The following DTNBP1 variants were observed in gnomAD, a reference collection of about 807,000 sequenced individuals.
The protein encoded by DTNBP1 is dystrobrevin binding protein 1.
DTNBP1 carries 35 observed loss-of-function variants against 42.8 expected under a neutral mutation model. The ratio of observed to expected loss-of-function variants is 0.82; its 90% CI spans 0.63 to 1.09. The LOEUF (loss-of-function observed/expected upper bound fraction) is 1.09. Among genes scored for constraint, DTNBP1 ranks in the 50% least tolerant of loss-of-function variants. The probability of loss-of-function intolerance (pLI) is 0.00; values close to 1 mark genes in which losing one functional copy is unlikely to be tolerated. For missense variants in DTNBP1, 457 were observed against 424.2 expected (o/e 1.08, Z -0.68); for synonymous variants, 171 against 162.2 (o/e 1.05, Z -0.41).
chr6:15,585,797 T>C (rs900004120), intron 7 of DTNBP1: 1 of 1,522,162 alleles, frequency 6.6e-7, no homozygotes, highest in Non-Finnish European at 8.8e-7. Context: ...AGAAGCTCAG[T>C]GCTGGTCAAG....
intron 7 of DTNBP1, among the ~76,000 whole-genome samples, chr6:15,563,082 C>A (rs1774914363): frequency 6.6e-6 from 1 of 152,236 alleles, no homozygotes; most frequent in Non-Finnish European, 1.5e-5. Flanking sequence ...CTGCTTCTAG[C>A]TCTTCAGACT....
At chr6:15,620,414 C>G (rs1292572335) in intron 5 of DTNBP1, among the ~76,000 whole-genome samples, 1 of 152,008 alleles carries the variant, frequency 6.6e-6, no homozygotes, top group Non-Finnish European at 1.5e-5. Flanking sequence ...TCTTGAACTC[C>G]TGGGCTTGAG....
chr6:15,630,307 G>A (rs1759616332), intron 4 of DTNBP1, among the ~76,000 whole-genome samples: 1 of 152,198 alleles, frequency 6.6e-6, no homozygotes, highest in East Asian at 1.9e-4. Context: ...GAGAGGCCAT[G>A]TTATCTGCCC....
chr6:15,583,555 T>C (rs950427429), intron 7 of DTNBP1, among the ~76,000 whole-genome samples: 4 of 152,224 alleles, frequency 2.6e-5, no homozygotes, highest in Admixed American at 2.6e-4. Context: ...TGAAGCTCCA[T>C]ATGAATTCAA....
intron 6 of DTNBP1, among the ~76,000 whole-genome samples, chr6:15,600,613 C>T (rs1265521019): frequency 1.3e-5 from 2 of 152,096 alleles, no homozygotes; most frequent in African/African-American, 4.8e-5. Flanking sequence ...ATTAGTGTAA[C>T]TCAGGCTACA....
intron 7 of DTNBP1, among the ~76,000 whole-genome samples, chr6:15,540,039 CA>C (rs1323820254): frequency 6.6e-6 from 1 of 152,208 alleles, no homozygotes; most frequent in Non-Finnish European, 1.5e-5. Context: ...ATTTAAACAA[CA>C]GCCTCTTGAA....
intron 3 of DTNBP1, among the ~76,000 whole-genome samples, chr6:15,648,457 T>C (rs2113800132): frequency 6.6e-6 from 1 of 152,028 alleles, no homozygotes; most frequent in East Asian, 1.9e-4. Flanking sequence ...TGAAGCAAAA[T>C]GATTTCTATT....
At chr6:15,574,898 C>T (rs1240694304) in intron 7 of DTNBP1, among the ~76,000 whole-genome samples, 1 of 152,176 alleles carries the variant, frequency 6.6e-6, no homozygotes, top group Non-Finnish European at 1.5e-5. Context: ...TGAGTATGGT[C>T]GAATGTTTTC....
chr6:15,651,462 T>C, intron 2 of DTNBP1, 99 bp from the exon 3 acceptor site: 2 of 1,477,286 alleles, frequency 1.4e-6, no homozygotes, highest in Non-Finnish European at 9.3e-7. Context: ...AATTGTAATA[T>C]ATTTTAAAAT....
chr6:15,526,904 A>G (rs1042027532), intron 8 of DTNBP1, among the ~76,000 whole-genome samples: 8 of 152,232 alleles, frequency 5.3e-5, no homozygotes, highest in African/African-American at 1.9e-4. Context: ...TGGGTGTGTC[A>G]GTGATCACAG....
rs1270620388 is a variant in DTNBP1, at chr6:15,550,897, G to A, written c.512-17502C>T. Among the ~76,000 whole-genome samples the A allele has an allele frequency of 3.3e-5, 5 of 152,294 alleles. No homozygotes were observed. The South Asian group carries it at 6.2e-4, about 19-fold the overall frequency. On this transcript the variant is annotated intron_variant, in intron 7 of 9. Transcript: ENST00000344537. ...AGGAAGATGCTGCATGAGGAAGGTC[G>A]GAGCAGGGGAGCTGTCAATGTGGGG...
intron 7 of DTNBP1, among the ~76,000 whole-genome samples, chr6:15,571,739 A>T (rs1775348148): frequency 6.6e-6 from 1 of 152,106 alleles, no homozygotes; most frequent in Admixed American, 6.6e-5. Context: ...CTGCACTGTG[A>T]ACTTCCTGGG....
chr6:15,559,445 A>ATG (rs1286458065), intron 7 of DTNBP1, among the ~76,000 whole-genome samples: 3 of 152,208 alleles, frequency 2.0e-5, no homozygotes, highest in African/African-American at 7.2e-5. Context: ...TCAGACTGTG[A>ATG]TGTGTGATGA....
At position 15,626,035 on chromosome 6, in the gene DTNBP1, G is replaced by C. The variant is rs190348362; in HGVS notation, c.355+1308C>G. Among the ~76,000 whole-genome samples the C allele has an allele frequency of 2.2e-4, 34 of 152,284 alleles. 1 individual carries two copies. Among genetic ancestry groups the C allele is most frequent in the Non-Finnish European group, 2.9e-5 (2 of 68,018 alleles). On this transcript the variant is annotated intron_variant, in intron 5 of 9. Transcript: ENST00000344537. ...ACCCTGAAAGGCATGGCAACAGCCA[G>C]GGGACTTGAAGAATACAGTTCATAG... is the stretch of plus-strand genomic sequence containing the variant.
chr6:15,601,879 G>C (rs1428868683), intron 6 of DTNBP1, among the ~76,000 whole-genome samples: 1 of 149,558 alleles, frequency 6.7e-6, no homozygotes, highest in Non-Finnish European at 1.5e-5. Context: ...AAAAAAAAAG[G>C]GTCCTAAACA....
intron 9 of DTNBP1, chr6:15,523,625 C>T: frequency 7.8e-7 from 1 of 1,286,958 alleles, no homozygotes; most frequent in Non-Finnish European, 1.0e-6. Context: ...GTCGGAATTA[C>T]TGACCTTCAG....
intron 6 of DTNBP1, among the ~76,000 whole-genome samples, chr6:15,604,220 G>A (rs1776841580): frequency 1.3e-5 from 2 of 152,228 alleles, no homozygotes; most frequent in South Asian, 2.1e-4. Context: ...CATTGTTTCG[G>A]GGGAGAGAAT....
intron 8 of DTNBP1, among the ~76,000 whole-genome samples, chr6:15,528,981 G>A (rs1772615552): frequency 6.6e-6 from 1 of 152,226 alleles, no homozygotes. Flanking sequence ...TGTACAGAGA[G>A]AGAAATTATA....
At chr6:15,654,933 G>T (rs1303011073) in intron 1 of DTNBP1, among the ~76,000 whole-genome samples, 1 of 152,196 alleles carries the variant, frequency 6.6e-6, no homozygotes, top group Non-Finnish European at 1.5e-5. Context: ...CTGCATTTAT[G>T]TAATGTGTTT....
Sources: allele counts gnomAD v4.1 joint callset (sites outside exome capture counted in the v4.1 genomes callset), GRCh38; gene constraint gnomAD v4.1.1; transcripts MANE v1.5; gene names NCBI Gene and HGNC (gene_info 2026-07-23, HGNC 2026-07-21).